The following LUZP2 variants were observed in gnomAD, a reference collection of about 807,000 sequenced individuals.
The protein encoded by LUZP2 is leucine zipper protein 2.
Under a neutral mutation model 51.6 loss-of-function variants are expected in LUZP2, and 52 were observed. The observed-to-expected ratio is 1.01, with a 90% CI of 0.81 to 1.27. The LOEUF (loss-of-function observed/expected upper bound fraction) is 1.27. LUZP2 is among the 50% of genes most tolerant of loss of function. LUZP2 has a pLI of 0.00. For missense variants in LUZP2, 436 were observed against 395.4 expected (o/e 1.10, Z -0.87); for synonymous variants, 154 against 137.3 (o/e 1.12, Z -0.85).
chr11:24,769,301 T>A (rs1019661327), intron 5 of LUZP2, among the ~76,000 whole-genome samples: 33 of 152,144 alleles, frequency 2.2e-4, no homozygotes, highest in African/African-American at 7.5e-4. Context: ...GTAGGAGAAA[T>A]AAGTTCTGCG....
chr11:24,849,483 T>A (rs1297897533), intron 5 of LUZP2, among the ~76,000 whole-genome samples: 1 of 152,188 alleles, frequency 6.6e-6, no homozygotes, highest in Non-Finnish European at 1.5e-5. Flanking sequence ...GGCTGCATAG[T>A]ATTCCATGGT....
chr11:24,997,453 T>G (rs924117358), intron 9 of LUZP2, among the ~76,000 whole-genome samples: 17 of 152,200 alleles, frequency 1.1e-4, no homozygotes, highest in Non-Finnish European at 1.9e-4. Flanking sequence ...TTCGCCCACT[T>G]TTTGATGGGG....
intron 1 of LUZP2, among the ~76,000 whole-genome samples, chr11:24,667,060 A>G (rs1173395449): frequency 6.6e-6 from 1 of 152,184 alleles, no homozygotes; most frequent in African/African-American, 2.4e-5. Flanking sequence ...CATTCCTTAA[A>G]AACAGTACAG....
At chr11:24,750,979 T>C (rs994726751) in intron 4 of LUZP2, among the ~76,000 whole-genome samples, 4 of 152,322 alleles carry the variant, frequency 2.6e-5, no homozygotes, top group Non-Finnish European at 4.4e-5. Context: ...TGTCCGATGC[T>C]GTGATTTTAC....
chr11:24,755,270 C>G (rs545972663), intron 4 of LUZP2, among the ~76,000 whole-genome samples: 1 of 152,194 alleles, frequency 6.6e-6, no homozygotes, highest in Non-Finnish European at 1.5e-5. Flanking sequence ...TTTCTTCGCA[C>G]TTCGCATTCT....
intron 5 of LUZP2, among the ~76,000 whole-genome samples, chr11:24,787,892 C>T (rs1849292673): frequency 6.6e-6 from 1 of 152,146 alleles, no homozygotes; most frequent in Admixed American, 6.6e-5. Flanking sequence ...TCTTGAGTCA[C>T]TGGGACTACA....
chr11:24,585,743 G>A (rs1198331386), intron 1 of LUZP2, among the ~76,000 whole-genome samples: 1 of 151,940 alleles, frequency 6.6e-6, no homozygotes, highest in Non-Finnish European at 1.5e-5. Context: ...TACAGGTAAG[G>A]GGAGAACAAA....
Position 24,517,219 on chromosome 11 carries a change from T to G in LUZP2, c.62+19914T>G, listed in dbSNP as rs1590126545. On this transcript the variant is annotated intron_variant, in intron 1 of 11. Coordinates refer to ENST00000336930, the MANE Select transcript of LUZP2 (RefSeq NM_001009909.4). ...TGTAGGTACAGGCCGGGCACGATGG[T>G]TCACGCCTGTAACCCCAGCACTTTG... 7.9e-5 allele frequency among the ~76,000 whole-genome samples: 12 copies of G among 151,832 alleles called. 1 individual carries two copies. The South Asian group carries it at 2.5e-3, about 32-fold the overall frequency.
At chr11:24,827,953 C>A (rs1035862363) in intron 5 of LUZP2, among the ~76,000 whole-genome samples, 1 of 151,760 alleles carries the variant, frequency 6.6e-6, no homozygotes, top group African/African-American at 2.4e-5. Flanking sequence ...TAGACTAGAC[C>A]AAGCTGAATG....
chr11:24,527,670 G>A (rs1850855042), intron 1 of LUZP2, among the ~76,000 whole-genome samples: 1 of 145,986 alleles, frequency 6.8e-6, no homozygotes, highest in African/African-American at 2.7e-5. Flanking sequence ...TTCCACCCCT[G>A]CCTCCCACAC....
chr11:24,984,540 AT>A (rs1400106249), intron 9 of LUZP2, among the ~76,000 whole-genome samples: 2 of 95,886 alleles, frequency 2.1e-5, no homozygotes, highest in Non-Finnish European at 3.9e-5. Flanking sequence ...ATATATATAT[AT>A]ATATATATAA....
At chr11:24,959,480 A>C (rs1350443161) in intron 7 of LUZP2, among the ~76,000 whole-genome samples, 1 of 152,022 alleles carries the variant, frequency 6.6e-6, no homozygotes, top group Non-Finnish European at 1.5e-5. Flanking sequence ...CGTCCCTTGT[A>C]AGTTGGATTC....
rs1475167414 is a variant in LUZP2 at position 25,079,225 on chromosome 11, A to AT, written c.*571dup. On this transcript the variant is annotated 3_prime_UTR_variant, in exon 12 of 12. Transcript: ENST00000336930. ...TAATGCTAAGACAATTCTGTTAAGA[A>AT]TTTTGTCAGCTAACATAATTCATTA... The AT allele has an allele frequency of 6.6e-6, 1 of 152,218 alleles. No individual in the cohort carries two copies. The highest frequency in any genetic ancestry group is 2.4e-5 in the African/African-American group (1 of 41,458). The allele number at this position is 152,218 out of a possible 1,614,324, so 9.4% of individuals were successfully genotyped here. A position where few individuals can be genotyped will look rare whatever the true frequency, so the allele number is the denominator to read the frequency against.
chr11:25,033,336 A>G (rs1172889234), intron 9 of LUZP2, among the ~76,000 whole-genome samples: 1 of 152,100 alleles, frequency 6.6e-6, no homozygotes, highest in East Asian at 1.9e-4. Flanking sequence ...GAAAGCATGG[A>G]TTTTCTTGTA....
intron 11 of LUZP2, among the ~76,000 whole-genome samples, chr11:25,078,271 T>C (rs1859373997): frequency 6.6e-6 from 1 of 152,244 alleles, no homozygotes; most frequent in African/African-American, 2.4e-5. Context: ...TAACTTATTT[T>C]CAAACTTTGA....
intron 5 of LUZP2, among the ~76,000 whole-genome samples, chr11:24,788,180 A>ATTTTTTTTTTTTTTTTTTTTTTTT (rs61308017): frequency 3.6e-5 from 3 of 83,396 alleles, no homozygotes; most frequent in Non-Finnish European, 6.7e-5. Context: ...TTTGTTTTTA[A>ATTTTTTTTTTTTTTTTTTTTTTTT]TTTTTTTTTT....
chr11:25,002,780 C>T (rs937749948), intron 9 of LUZP2, among the ~76,000 whole-genome samples: 8 of 152,134 alleles, frequency 5.3e-5, no homozygotes, highest in African/African-American at 1.9e-4. Flanking sequence ...TGTGGGAAGG[C>T]TTAAACCTGG....
chr11:24,896,445 G>A (rs1266609800), intron 5 of LUZP2, among the ~76,000 whole-genome samples: 1 of 152,202 alleles, frequency 6.6e-6, no homozygotes, highest in African/African-American at 2.4e-5. Flanking sequence ...GCCAGCAGCT[G>A]CAGAGGGGGC....
chr11:24,640,970 TA>T (rs1855259456), intron 1 of LUZP2, among the ~76,000 whole-genome samples: 1 of 36,476 alleles, frequency 2.7e-5, no homozygotes. Context: ...TAGATATAGA[TA>T]TAGATATAGA....
Sources: gnomAD v4.1 joint callset for allele counts (sites outside exome capture counted in the v4.1 genomes callset) on GRCh38, gnomAD v4.1.1 for gene constraint, MANE v1.5 for transcripts, NCBI Gene and HGNC (gene_info 2026-07-23, HGNC 2026-07-21) for gene names.